TK2: variants seen among roughly 807,000 people sequenced by gnomAD.
The protein encoded by TK2 is thymidine kinase 2.
Under a neutral mutation model 41.9 loss-of-function variants are expected in TK2, and 35 were observed. The ratio of observed to expected loss-of-function variants is 0.84; its 90% CI spans 0.64 to 1.11. The LOEUF (loss-of-function observed/expected upper bound fraction) is 1.11. Among genes scored for constraint, TK2 ranks in the 50% least tolerant of loss-of-function variants. The pLI is 0.00. For synonymous variants in TK2, 128 were observed against 129.1 expected (o/e 0.99, Z 0.06); for missense variants, 320 against 351.1 (o/e 0.91, Z 0.71).
At chr16:66,537,105 AAGGGAAAAAG>A in intron 3 of TK2, 88 bp from the exon 4 acceptor site, 3 of 1,568,016 alleles carry the variant, frequency 1.9e-6, no homozygotes, top group Non-Finnish European at 2.6e-6. Flanking sequence ...GTGAGGAGAG[AAGGGAAAAAG>A]AGAGAAAAAG....
At chr16:66,542,095 C>G (rs1048744853) in intron 2 of TK2, 142 bp from the exon 3 acceptor site, 8 of 849,302 alleles carry the variant, frequency 9.4e-6, no homozygotes, top group South Asian at 1.4e-5. Flanking sequence ...AATCCCTCCT[C>G]GGGAAACTGG....
intron 8 of TK2, among the ~76,000 whole-genome samples, chr16:66,516,752 G>A (rs1307120638): frequency 6.6e-6 from 1 of 152,150 alleles, no homozygotes; most frequent in Non-Finnish European, 1.5e-5. Flanking sequence ...TGAACAAGAG[G>A]GCTGGGTCCT....
In TK2 at chr16:66,517,530, G is replaced by C. The variant is rs1056452113; in HGVS notation, c.538+259C>G. On this transcript the variant is annotated intron_variant, in intron 7 of 9. Coordinates refer to ENST00000544898, the MANE Select transcript of TK2 (RefSeq NM_004614.5). The surrounding 1 kb of genome is among the most constrained non-coding windows in gnomAD (Gnocchi z 4.3). ...CTTTGCAAACTAGAAAAACCCATCA[G>C]ATCACAGTGGATTTGGGTCTGAAAG... Among the ~76,000 whole-genome samples the C allele has an allele frequency of 2.0e-5, 3 of 152,228 alleles. No homozygotes were observed. The highest frequency in any genetic ancestry group is 7.2e-5 in the African/African-American group (3 of 41,456).
At chr16:66,522,915 T>A (rs1964823986) in intron 6 of TK2, among the ~76,000 whole-genome samples, 1 of 152,126 alleles carries the variant, frequency 6.6e-6, no homozygotes, top group Non-Finnish European at 1.5e-5. Context: ...GTAACTGGAA[T>A]CTTCCTCTCC....
intron 2 of TK2, among the ~76,000 whole-genome samples, chr16:66,548,316 C>G (rs901993642): frequency 2.0e-5 from 3 of 152,182 alleles, no homozygotes; most frequent in Non-Finnish European, 4.4e-5. Flanking sequence ...CCTGCCACCA[C>G]TTGCCAAGCC....
At chr16:66,549,082 C>T in intron 1 of TK2, 73 bp from the exon 2 acceptor site, 1 of 1,604,344 alleles carries the variant, frequency 6.2e-7, no homozygotes, top group Non-Finnish European at 8.5e-7. Flanking sequence ...TGCTACATGA[C>T]CACAAAAACA....
In TK2 at chr16:66,510,438, C is replaced by T. The variant is rs893421511; in HGVS notation, c.*1530G>A. ...CAGCTCCCGCCTGGCTGCTGCCTCTCATCCTGCCAATGGCACAAGAACTGG... is the reference window on the plus strand; with the variant it reads ...CAGCTCCCGCCTGGCTGCTGCCTCTTATCCTGCCAATGGCACAAGAACTGG... On this transcript the variant is annotated 3_prime_UTR_variant, in exon 10 of 10. Transcript: ENST00000544898. 6.6e-6 allele frequency: 1 copy of T among 152,280 alleles called. No homozygotes were observed. The highest frequency in any genetic ancestry group is 1.5e-5 in the Non-Finnish European group (1 of 68,084). 9.4% of individuals were successfully genotyped at this position (152,280 alleles called of 1,614,324 possible). A position where few individuals can be genotyped will look rare whatever the true frequency, so the allele number is the denominator to read the frequency against.
At chr16:66,531,900 T>A (rs917968026) in intron 4 of TK2, among the ~76,000 whole-genome samples, 1 of 152,042 alleles carries the variant, frequency 6.6e-6, no homozygotes, top group Non-Finnish European at 1.5e-5. Context: ...TATTTATAAG[T>A]GGGTACAATG....
chr16:66,535,512 T>C (rs180836512), intron 4 of TK2, among the ~76,000 whole-genome samples: 10 of 152,338 alleles, frequency 6.6e-5, no homozygotes, highest in Admixed American at 6.5e-4. Flanking sequence ...GAGAAGAAAT[T>C]CTTCTCATGT....
intron 2 of TK2, chr16:66,546,584 GGATCATACTTCATATACTTTT>G (rs1364384244): frequency 6.6e-6 from 1 of 150,592 alleles, no homozygotes; most frequent in Non-Finnish European, 1.5e-5. Context: ...TTTTCATTTG[GGATCATACTTCATATACTTTT>G]GTTGGTTTTG....
At chr16:66,525,381 A>C (rs1964900944) in intron 6 of TK2, among the ~76,000 whole-genome samples, 1 of 152,278 alleles carries the variant, frequency 6.6e-6, no homozygotes, top group Non-Finnish European at 1.5e-5. Flanking sequence ...TACAAACTTA[A>C]GAACATATTA....
chr16:66,549,771 G>C, intron 1 of TK2, 167 bp downstream of exon 1: 3 of 1,278,750 alleles, frequency 2.3e-6, no homozygotes, highest in Non-Finnish European at 2.9e-6. Context: ...CTGCGGTCTC[G>C]CGCCCGGGTA....
At chr16:66,532,714 A>AC (rs1965154215) in intron 4 of TK2, among the ~76,000 whole-genome samples, 1 of 152,150 alleles carries the variant, frequency 6.6e-6, no homozygotes, top group Non-Finnish European at 1.5e-5. Flanking sequence ...ACACTGATGA[A>AC]AGAAATTGAA....
Position 66,548,236 on chromosome 16 carries a change from C to T in TK2, c.156+742G>A, listed in dbSNP as rs4783655. The stretch of plus-strand genomic sequence containing the variant: ...GTGGTTTCACTACTTCCCAAGAGCT[C>T]TCCACCACCCTGAGTACGCTGGGGG... On this transcript the variant is annotated intron_variant, in intron 2 of 9. Transcript: ENST00000544898. Among the ~76,000 whole-genome samples, 6,708 of 152,252 alleles carry T rather than the reference C, an allele frequency of 0.044. 321 individuals are homozygous for T. Among genetic ancestry groups the T allele is most frequent in the South Asian group, 0.16 (790 of 4,818 alleles).
intron 3 of TK2, 113 bp from the exon 4 acceptor site, chr16:66,537,130 T>A: frequency 6.7e-7 from 1 of 1,487,600 alleles, no homozygotes; most frequent in Non-Finnish European, 9.3e-7. Context: ...AAAAAGACTA[T>A]CCAAATTTGG....
intron 6 of TK2, among the ~76,000 whole-genome samples, chr16:66,523,872 A>G (rs779758189): frequency 6.6e-6 from 1 of 152,060 alleles, no homozygotes; most frequent in African/African-American, 2.4e-5. Context: ...CCCCACATCT[A>G]CTTTCTCAGT....
intron 4 of TK2, among the ~76,000 whole-genome samples, chr16:66,533,493 T>G (rs1463710098): frequency 6.6e-6 from 1 of 151,578 alleles, no homozygotes; most frequent in Non-Finnish European, 1.5e-5. Context: ...AAGGTTACAG[T>G]GAGCTATAAT....
At chr16:66,529,134 A>G (rs1048470869) in intron 5 of TK2, 67 bp from the exon 6 acceptor site, 2 of 1,463,600 alleles carry the variant, frequency 1.4e-6, no homozygotes, top group African/African-American at 2.8e-5. Context: ...GCCTTGAGAA[A>G]TGTCTGTTAC....
At chr16:66,539,602 G>GAAAA (rs775031607) in intron 3 of TK2, among the ~76,000 whole-genome samples, 2 of 49,132 alleles carry the variant, frequency 4.1e-5, no homozygotes, top group African/African-American at 7.3e-5. Flanking sequence ...CTCCATCTCA[G>GAAAA]AAAAAAAAAA....
Sources: gnomAD v4.1 joint callset for allele counts (sites outside exome capture counted in the v4.1 genomes callset) on GRCh38, gnomAD v4.1.1 for gene constraint, Gnocchi (gnomAD v3.1) non-coding constraint, MANE v1.5 for transcripts, NCBI Gene and HGNC (gene_info 2026-07-23, HGNC 2026-07-21) for gene names.